Variants in NCALD observed in about 807,000 individuals in gnomAD.
NCALD encodes the protein neurocalcin-delta.
NCALD carries 10 observed loss-of-function variants against 18.6 expected under a neutral mutation model. The ratio of observed to expected loss-of-function variants is 0.54; its 90% CI spans 0.33 to 0.91. The LOEUF (loss-of-function observed/expected upper bound fraction) is 0.91. Ranked by LOEUF, NCALD falls within the 40% of genes least tolerant of loss-of-function variation. The probability of loss-of-function intolerance (pLI) is 0.03; values close to 1 mark genes in which losing one functional copy is unlikely to be tolerated. For missense variants in NCALD, 184 were observed against 247.6 expected, an observed-to-expected ratio of 0.74 and a Z score of 1.72; for synonymous variants, 88 against 87.4, an observed-to-expected ratio of 1.01 and a Z score of -0.04.
At chr8:101,944,180 G>A (rs1402360460) in intron 2 of NCALD, among the ~76,000 whole-genome samples, 1 of 152,164 alleles carries the variant, frequency 6.6e-6, no homozygotes, top group South Asian at 2.1e-4. Flanking sequence ...CCTCTGAGGA[G>A]TTCGTCTCCT....
rs35295834 is a variant in NCALD, at chr8:101,829,974, GTTTT to G, written c.-20+57163_-20+57166del. Among the ~76,000 whole-genome samples the G allele has an allele frequency of 1.1e-3, 127 of 116,144 alleles. 2 individuals are homozygous for G. Among genetic ancestry groups the G allele is most frequent in the African/African-American group, 3.9e-3 (118 of 30,304 alleles). 76.2% of individuals were successfully genotyped at this position (116,144 alleles called of 152,430 possible). On this transcript the variant is annotated intron_variant, in intron 4 of 6. Coordinates refer to the NCALD transcript ENST00000311028. Reference sequence around the variant, plus strand: ...GAAGAACATTTACCCAGTCACATGGGTTTTTTTTTTTTTTTTTTTTGCTAACAAG... The same window carrying G: ...GAAGAACATTTACCCAGTCACATGGGTTTTTTTTTTTTTTTTGCTAACAAG...
Position 101,740,507 on chromosome 8 carries a change from T to A in NCALD, c.-19-20859A>T, listed in dbSNP as rs151281058. 2.0e-5 allele frequency among the ~76,000 whole-genome samples: 3 copies of A among 152,312 alleles called. No homozygotes were observed. In the East Asian group the frequency reaches 5.8e-4, roughly 29 times the overall value. On this transcript the variant is annotated intron_variant, in intron 1 of 3. Transcript: ENST00000220931. Reference sequence around the variant, plus strand: ...TCTGTACTCCTTCCACTCTGCAGGGTATCTCATGGTAGAAAGCAGAGCAGA... The same window carrying A: ...TCTGTACTCCTTCCACTCTGCAGGGAATCTCATGGTAGAAAGCAGAGCAGA...
chr8:102,104,031 A>G (rs1446251883), intron 1 of NCALD, among the ~76,000 whole-genome samples: 1 of 152,226 alleles, frequency 6.6e-6, no homozygotes, highest in East Asian at 1.9e-4. Flanking sequence ...ACGCATACGC[A>G]TACAAACACA....
chr8:102,092,178 C>T (rs1824946682), intron 1 of NCALD, among the ~76,000 whole-genome samples: 1 of 152,198 alleles, frequency 6.6e-6, no homozygotes, highest in Admixed American at 6.5e-5. Context: ...GTCCTCACTG[C>T]TACATTCCGA....
chr8:101,895,007 A>T (rs1312253777), intron 3 of NCALD, among the ~76,000 whole-genome samples: 4 of 150,668 alleles, frequency 2.7e-5, no homozygotes, highest in Non-Finnish European at 5.9e-5. Flanking sequence ...TCCCTAACTC[A>T]TTTTATGAGG....
intron 4 of NCALD, among the ~76,000 whole-genome samples, chr8:101,843,999 T>C (rs890247468): frequency 6.6e-6 from 1 of 152,240 alleles, no homozygotes; most frequent in African/African-American, 2.4e-5. Flanking sequence ...AATGTTAACA[T>C]TTGCCATACT....
At position 102,010,952 on chromosome 8, in the gene NCALD, T is replaced by A. The variant is rs77664978; in HGVS notation, c.-157+9285A>T. ...TAATTTCAACCAAATGATCTTCATA[T>A]ATCCCATGAATAAGCTGTGAATTTC... On this transcript the variant is annotated intron_variant, in intron 2 of 6. Coordinates refer to the NCALD transcript ENST00000311028. Among the ~76,000 whole-genome samples, 1,037 of 152,332 alleles carry A rather than the reference T, an allele frequency of 6.8e-3. 21 individuals are homozygous for A. The highest frequency in any genetic ancestry group is 0.024 in the African/African-American group (984 of 41,570).
intron 2 of NCALD, among the ~76,000 whole-genome samples, chr8:101,717,947 G>A (rs1816163722): frequency 6.6e-6 from 1 of 152,150 alleles, no homozygotes; most frequent in African/African-American, 2.4e-5. Flanking sequence ...TATGAAAATG[G>A]TTCTAAGTTT....
At chr8:101,822,201 G>A (rs556055977) in intron 4 of NCALD, among the ~76,000 whole-genome samples, 4 of 152,134 alleles carry the variant, frequency 2.6e-5, no homozygotes, top group Non-Finnish European at 5.9e-5. Context: ...CTCGATTTTT[G>A]TAGTCATAGT....
At chr8:102,031,887 T>C (rs1822686040) in intron 1 of NCALD, among the ~76,000 whole-genome samples, 1 of 152,178 alleles carries the variant, frequency 6.6e-6, no homozygotes, top group African/African-American at 2.4e-5. Context: ...TTTCCCCATG[T>C]ACAAAAGGGG....
chr8:101,781,726 G>T (rs374773127), intron 1 of NCALD, among the ~76,000 whole-genome samples: 3 of 152,056 alleles, frequency 2.0e-5, no homozygotes, highest in African/African-American at 7.2e-5. Flanking sequence ...CAATATCAAC[G>T]CATTACTCTT....
intron 3 of NCALD, chr8:101,691,318 A>G: frequency 1.0e-6 from 1 of 985,432 alleles, no homozygotes; most frequent in African/African-American, 1.7e-5. Flanking sequence ...TCCTTTGGAA[A>G]GGCACAGGTC....
At chr8:102,089,073 C>T (rs1417747432) in intron 1 of NCALD, among the ~76,000 whole-genome samples, 2 of 152,160 alleles carry the variant, frequency 1.3e-5, no homozygotes, top group African/African-American at 4.8e-5. Context: ...CCCTGGGGTC[C>T]ACCCTGAAGC....
At chr8:102,065,557 A>G (rs1382539137) in intron 1 of NCALD, among the ~76,000 whole-genome samples, 1 of 152,230 alleles carries the variant, frequency 6.6e-6, no homozygotes, top group Non-Finnish European at 1.5e-5. Context: ...TTTAGAATTC[A>G]GCTTTCTTTG....
intron 2 of NCALD, among the ~76,000 whole-genome samples, chr8:101,989,938 A>T (rs932447434): frequency 7.9e-5 from 12 of 152,210 alleles, no homozygotes; most frequent in African/African-American, 2.9e-4. Context: ...GGGGGTTAAC[A>T]CAGCCTTTCA....
chr8:102,070,152 T>C (rs1375849539), intron 1 of NCALD: 1 of 152,140 alleles, frequency 6.6e-6, no homozygotes, highest in Admixed American at 6.6e-5. Context: ...TCATAACAAT[T>C]ATAATTATTT....
chr8:102,033,411 G>A (rs919002613), intron 1 of NCALD, among the ~76,000 whole-genome samples: 2 of 152,094 alleles, frequency 1.3e-5, no homozygotes, highest in African/African-American at 4.8e-5. Flanking sequence ...TAATACATGG[G>A]TCAGAGAATC....
At chr8:101,894,419 C>T (rs1255982437) in intron 3 of NCALD, among the ~76,000 whole-genome samples, 7 of 133,394 alleles carry the variant, frequency 5.2e-5, no homozygotes, top group African/African-American at 1.6e-4. Context: ...AGGAAAGATC[C>T]AAAATTGACA....
rs138015861 is a variant in NCALD, at chr8:101,999,198, G to T, written c.-157+21039C>A. 9.6e-4 allele frequency among the ~76,000 whole-genome samples: 146 copies of T among 151,568 alleles called. 2 individuals are homozygous for T. The East Asian group carries it at 0.025, about 26-fold the overall frequency. ...AAGTCGTTACATGAAAAAGATACTT[G>T]CACACATATGTTTATACCAGCACAA... On this transcript the variant is annotated intron_variant, in intron 2 of 6. Transcript: ENST00000311028.
Sources: allele counts gnomAD v4.1 joint callset (sites outside exome capture counted in the v4.1 genomes callset), GRCh38; gene constraint gnomAD v4.1.1; transcripts MANE v1.5; gene names NCBI Gene and HGNC (gene_info 2026-07-23, HGNC 2026-07-21).